The following SPMIP6 variants were observed in gnomAD, a reference collection of about 807,000 sequenced individuals.
SPMIP6 encodes the protein sperm microtubule inner protein 6.
the SPMIP6 span, chr9:34,379,709 C>T: frequency 6.2e-7 from 1 of 1,614,048 alleles, no homozygotes; most frequent in Non-Finnish European, 8.5e-7. The surrounding 1 kb of genome is among the most constrained non-coding windows in gnomAD (Gnocchi z 4.2). Context: ...CATTCCGGGC[C>T]GGTGCTCGTA....
chr9:34,380,448 G>C, the SPMIP6 span, among the ~76,000 whole-genome samples: 1 of 152,156 alleles, frequency 6.6e-6, no homozygotes, highest in Non-Finnish European at 1.5e-5. Context: ...CGACGGTGAC[G>C]GGGGACCAGC....
the SPMIP6 span, among the ~76,000 whole-genome samples, chr9:34,388,938 T>C: frequency 6.3e-5 from 7 of 111,668 alleles, no homozygotes; most frequent in Non-Finnish European, 7.5e-5. Flanking sequence ...CTTTCTTTTT[T>C]TTTTTTTTTT....
At chr9:34,380,496 C>T in the SPMIP6 span, among the ~76,000 whole-genome samples, 24 of 152,154 alleles carry the variant, frequency 1.6e-4, no homozygotes, top group Non-Finnish European at 3.4e-4. Context: ...GGGCACTCCA[C>T]AGGCTAGAAC....
chr9:34,388,086 G>A, the SPMIP6 span, among the ~76,000 whole-genome samples: 1 of 151,820 alleles, frequency 6.6e-6, no homozygotes, highest in South Asian at 2.1e-4. Context: ...CAGAGACAGA[G>A]GTGGGCAGTT....
the SPMIP6 span, among the ~76,000 whole-genome samples, chr9:34,381,938 C>T: frequency 6.6e-6 from 1 of 152,136 alleles, no homozygotes; most frequent in South Asian, 2.1e-4. This position sits in a 1 kb window ranked among gnomAD's most constrained non-coding sequence, Gnocchi z 4.4. Context: ...AGTTTGCGGC[C>T]GTGGCTGGAC....
the SPMIP6 span, chr9:34,381,085 C>A: frequency 6.2e-7 from 1 of 1,610,312 alleles, no homozygotes; most frequent in African/African-American, 1.3e-5. This position sits in a 1 kb window ranked among gnomAD's most constrained non-coding sequence, Gnocchi z 4.4. Context: ...GCGGCAGCTG[C>A]TGGTTCCGCG....
the SPMIP6 span, among the ~76,000 whole-genome samples, chr9:34,386,253 A>G: frequency 6.6e-6 from 1 of 152,158 alleles, no homozygotes; most frequent in Non-Finnish European, 1.5e-5. Context: ...CTGGGAATCT[A>G]GCATCTTAAA....
chr9:34,382,200 A>T, the SPMIP6 span, among the ~76,000 whole-genome samples: 1 of 152,204 alleles, frequency 6.6e-6, no homozygotes, highest in Non-Finnish European at 1.5e-5. Flanking sequence ...GAGCCCAGCC[A>T]GGGATTGGAG....
chr9:34,379,125 AT>A, the SPMIP6 span: 1 of 1,613,972 alleles, frequency 6.2e-7, no homozygotes, highest in South Asian at 1.1e-5. The surrounding 1 kb of genome is among the most constrained non-coding windows in gnomAD (Gnocchi z 4.2). Context: ...CTCAGGATGG[AT>A]AACATAGTTG....
the SPMIP6 span, among the ~76,000 whole-genome samples, chr9:34,392,469 G>GTGTGTGTGTC: frequency 6.9e-6 from 1 of 145,030 alleles, no homozygotes; most frequent in Non-Finnish European, 1.6e-5. The surrounding 1 kb of genome is among the most constrained non-coding windows in gnomAD (Gnocchi z 4.6). Flanking sequence ...GTGTGTGTGT[G>GTGTGTGTGTC]TGTGTGTTTA....
the SPMIP6 span, among the ~76,000 whole-genome samples, chr9:34,395,199 G>A: frequency 6.6e-6 from 1 of 152,074 alleles, no homozygotes; most frequent in Non-Finnish European, 1.5e-5. Context: ...GTAGGCTCAA[G>A]CAATCTTCCT....
At chr9:34,382,393 G>A in the SPMIP6 span, among the ~76,000 whole-genome samples, 2 of 152,162 alleles carry the variant, frequency 1.3e-5, no homozygotes, top group Non-Finnish European at 2.9e-5. Context: ...AGACCAGCCT[G>A]GCCAACATGG....
chr9:34,385,709 C>G, the SPMIP6 span: 1 of 1,613,848 alleles, frequency 6.2e-7, no homozygotes. Context: ...TAAGTGTAGT[C>G]CTGTACAGCA....
the SPMIP6 span, chr9:34,381,187 A>G: frequency 6.4e-7 from 1 of 1,555,182 alleles, no homozygotes; most frequent in Non-Finnish European, 8.7e-7. The surrounding 1 kb of genome is among the most constrained non-coding windows in gnomAD (Gnocchi z 4.4). Flanking sequence ...CAGGGATGGG[A>G]AGAGGCCGAG....
chr9:34,397,385 A>G, the SPMIP6 span: 1 of 1,194,414 alleles, frequency 8.4e-7, no homozygotes, highest in South Asian at 1.3e-5. Flanking sequence ...TGCCTAGGTA[A>G]ATGAATAAAA....
the SPMIP6 span, chr9:34,380,832 G>A: frequency 3.3e-6 from 5 of 1,519,812 alleles, no homozygotes; most frequent in Non-Finnish European, 4.4e-6. Flanking sequence ...CTGGAAGGGG[G>A]CGGGGTTCTG....
chr9:34,391,496 A>AT, the SPMIP6 span, among the ~76,000 whole-genome samples: 61 of 152,190 alleles, frequency 4.0e-4, 1 homozygote, highest in African/African-American at 1.3e-3. Context: ...TATGTTTCAC[A>AT]TTTTTTTAGA....
At chr9:34,383,586 A>C in the SPMIP6 span, among the ~76,000 whole-genome samples, 1 of 152,278 alleles carries the variant, frequency 6.6e-6, no homozygotes, top group Admixed American at 6.5e-5. Flanking sequence ...TCACTTCCAT[A>C]TCTTTGCAGC....
the SPMIP6 span, chr9:34,379,528 GTGCCTGTCAGT>G: frequency 1.1e-6 from 1 of 891,952 alleles, no homozygotes. This position sits in a 1 kb window ranked among gnomAD's most constrained non-coding sequence, Gnocchi z 4.2. Context: ...CTCGTGGTAT[GTGCCTGTCAGT>G]GCACCGCGGA....
Sources: allele counts gnomAD v4.1 joint callset (sites outside exome capture counted in the v4.1 genomes callset), GRCh38; gene constraint gnomAD v4.1.1; non-coding constraint Gnocchi (gnomAD v3.1); transcripts MANE v1.5; gene names NCBI Gene and HGNC (gene_info 2026-07-23, HGNC 2026-07-21).